The following ZNF587B variants were observed in gnomAD, a reference collection of about 807,000 sequenced individuals.
The protein encoded by ZNF587B is zinc finger protein 587B.
A neutral mutation model predicts 7.2 loss-of-function variants in ZNF587B; 6 were observed. The observed-to-expected ratio is 0.83, with a 90% CI of 0.46 to 1.65. ZNF587B has a LOEUF of 1.65. Among genes scored for constraint, ZNF587B ranks in the 40% most tolerant of loss-of-function variants. ZNF587B has a pLI of 0.01. For missense variants in ZNF587B, 749 were observed against 761.0 expected (o/e 0.98, Z 0.19); for synonymous variants, 274 against 254.3 (o/e 1.08, Z -0.74).
In ZNF587B at chr19:57,843,281, T is replaced by C. The variant is rs770585496; in HGVS notation, c.*705T>C. 51 of 985,162 alleles carry C rather than the reference T, an allele frequency of 5.2e-5. No homozygotes were observed. The highest frequency in any genetic ancestry group is 5.8e-5 in the Non-Finnish European group (48 of 829,826). 61.0% of individuals were successfully genotyped at this position (985,162 alleles called of 1,614,324 possible). The stretch of plus-strand genomic sequence containing the variant: ...TGCTGAGATTGTAGGTTTGAGTCAC[T>C]GTGCTCAGCCAATTATGTTTTTCTG... On this transcript the variant is annotated 3_prime_UTR_variant, in exon 3 of 3. Coordinates refer to ENST00000594901, the MANE Select transcript of ZNF587B (RefSeq NM_001376223.1).
chr19:57,844,205 A>C lies in ZNF587B; in HGVS notation c.*1629A>C. 2.3e-6 allele frequency: 1 copy of C among 435,902 alleles called. No homozygotes were observed. The highest frequency in any genetic ancestry group is 4.6e-6 in the Non-Finnish European group (1 of 219,482). 27.0% of individuals were successfully genotyped at this position (435,902 alleles called of 1,614,324 possible). A position where few individuals can be genotyped will look rare whatever the true frequency, so the allele number is the denominator to read the frequency against. ...AGAGGACTCTTGTGCTGACTTGAAA[A>C]GATGGACTATTTTGGCTAAGCATGG... On this transcript the variant is annotated 3_prime_UTR_variant, in exon 3 of 3. Coordinates refer to ENST00000594901, the MANE Select transcript of ZNF587B (RefSeq NM_001376223.1).
Position 57,840,969 on chromosome 19 carries a change from C to T in ZNF587B, c.295C>T (p.Pro99Ser). 3 of 1,592,744 alleles carry T rather than the reference C, an allele frequency of 1.9e-6. No individual in the cohort carries two copies. The highest frequency in any genetic ancestry group is 2.6e-6 in the Non-Finnish European group (3 of 1,168,274). Residue 99 changes from proline (P) to serine (S), a missense_variant, in exon 3 of 3, where the codon CCG (proline) becomes TCG (serine). Physicochemically the swap from Pro to Ser is moderately conservative, Grantham distance 74. Around this residue, in one of 3 missense-constraint regions of ZNF587B, gnomAD observed 72 missense variants for 147.8 expected, o/e 0.49. Coordinates refer to ENST00000594901, the MANE Select transcript of ZNF587B (RefSeq NM_001376223.1). ...KKAHPCEMCGPILGDILHVAD... is the reference protein window; with the variant it reads ...KKAHPCEMCGSILGDILHVAD... The stretch of plus-strand genomic sequence containing the variant: ...GGCCCACCCCTGTGAGATGTGTGGC[C>T]CGATCTTGGGAGACATTTTGCATGT...
chr19:57,832,437 G>A (rs1413291039), intron 1 of ZNF587B, among the ~76,000 whole-genome samples: 2 of 152,202 alleles, frequency 1.3e-5, no homozygotes, highest in Admixed American at 6.5e-5. Context: ...ATAGAATTCT[G>A]AATTTTTTCT....
chr19:57,838,284 CAAAA>C (rs34095077), intron 1 of ZNF587B, among the ~76,000 whole-genome samples: 1 of 135,818 alleles, frequency 7.4e-6, no homozygotes, highest in African/African-American at 2.9e-5. Flanking sequence ...CACTCCGTCT[CAAAA>C]AAAAATAAAA....
chr19:57,844,320 T>G lies in ZNF587B; in HGVS notation c.*1744T>G. 1 of 362,342 alleles carries G rather than the reference T, an allele frequency of 2.8e-6. No individual in the cohort carries two copies. Among genetic ancestry groups the G allele is most frequent in the Non-Finnish European group, 5.5e-6 (1 of 182,790 alleles). 22.4% of individuals were successfully genotyped at this position (362,342 alleles called of 1,614,324 possible). A position where few individuals can be genotyped will look rare whatever the true frequency, so the allele number is the denominator to read the frequency against. On this transcript the variant is annotated 3_prime_UTR_variant, in exon 3 of 3. Coordinates refer to ENST00000594901, the MANE Select transcript of ZNF587B (RefSeq NM_001376223.1). ...GAGTTCAAGACCAGCCTGGGCAATA[T>G]AGTGAAATCCTGTCTCTTCTAAAAA... is the stretch of plus-strand genomic sequence containing the variant.
Position 57,839,028 on chromosome 19 carries a change from A to G in ZNF587B, c.42A>G (p.Thr14=), listed in dbSNP as rs1431019460. 4 of 1,613,956 alleles carry G rather than the reference A, an allele frequency of 2.5e-6. No individual in the cohort carries two copies. Among genetic ancestry groups the G allele is most frequent in the Non-Finnish European group, 3.4e-6 (4 of 1,179,978 alleles). Residue 14 remains threonine, a synonymous_variant, in exon 2 of 3, where the codon ACA becomes ACG. Coordinates refer to ENST00000594901, the MANE Select transcript of ZNF587B (RefSeq NM_001376223.1). ...VATLRLSAQG[T]VTFEDVAVKF... ...ATCTGTCAACATCATAACAGGGCAC[A>G]GTGACTTTTGAAGACGTGGCTGTGA...
At chr19:57,839,752 A>G (rs1283433860) in intron 2 of ZNF587B, among the ~76,000 whole-genome samples, 1 of 152,014 alleles carries the variant, frequency 6.6e-6, no homozygotes, top group Non-Finnish European at 1.5e-5. Context: ...ATTCAGCCTC[A>G]GCATAATAGG....
At chr19:57,835,882 G>A (rs565456030) in intron 1 of ZNF587B, among the ~76,000 whole-genome samples, 138 of 150,058 alleles carry the variant, frequency 9.2e-4, no homozygotes, top group East Asian at 7.0e-3. Flanking sequence ...ACTAAGGTGC[G>A]TTAGCCATGG....
chr19:57,830,638 T>A, intron 1 of ZNF587B, 74 bp downstream of exon 1: 3 of 1,512,110 alleles, frequency 2.0e-6, no homozygotes, highest in Non-Finnish European at 2.7e-6. Context: ...CAAGGAAGAG[T>A]CTTTAAGGTG....
Position 57,844,405 on chromosome 19 carries a change from G to A in ZNF587B, c.*1829G>A. 7.1e-6 allele frequency: 2 copies of A among 283,014 alleles called. No individual in the cohort carries two copies. Among genetic ancestry groups the A allele is most frequent in the South Asian group, 2.6e-5 (1 of 37,782 alleles). The allele number at this position is 283,014 out of a possible 1,614,324, so 17.5% of individuals were successfully genotyped here. ...AGCCGCAGCTACTCAGGAGGCTGAG[G>A]CAGGAAAATTGCTTGAACCCCGGGA... On this transcript the variant is annotated 3_prime_UTR_variant, in exon 3 of 3. Transcript: ENST00000594901.
At position 57,841,592 on chromosome 19, in the gene ZNF587B, T is replaced by C; in HGVS notation, c.918T>C (p.Tyr306=). The change falls in exon 3 of 3, where the codon TAT becomes TAC. Residue 306 remains tyrosine (Y), a synonymous_variant. Coordinates refer to ENST00000594901, the MANE Select transcript of ZNF587B (RefSeq NM_001376223.1). ...KPYGCEECGK[Y]FSLEGYLRRH... ...ATGGGTGTGAAGAATGTGGGAAATA[T>C]TTTAGCTTAGAAGGATATCTTAGGC... 4 of 1,577,410 alleles carry C rather than the reference T, an allele frequency of 2.5e-6. No individual in the cohort carries two copies. Among genetic ancestry groups the C allele is most frequent in the Non-Finnish European group, 3.4e-6 (4 of 1,161,336 alleles).
chr19:57,836,894 C>T (rs1414229423), intron 1 of ZNF587B, among the ~76,000 whole-genome samples: 2 of 142,160 alleles, frequency 1.4e-5, no homozygotes, highest in African/African-American at 5.3e-5. Context: ...ACCCAGGAGG[C>T]GGAGGTTGCA....
Position 57,843,534 on chromosome 19 carries a change from C to G in ZNF587B, c.*958C>G. 1 of 981,346 alleles carries G rather than the reference C, an allele frequency of 1.0e-6. No individual in the cohort carries two copies. Among genetic ancestry groups the G allele is most frequent in the Non-Finnish European group, 1.2e-6 (1 of 829,126 alleles). 60.8% of individuals were successfully genotyped at this position (981,346 alleles called of 1,614,324 possible). A position where few individuals can be genotyped will look rare whatever the true frequency, so the allele number is the denominator to read the frequency against. ...AAGTATATTTTGGTTGTCTCCCATT[C>G]ACGAGAGATTTTTTTTTTAAGTTTT... On this transcript the variant is annotated 3_prime_UTR_variant, in exon 3 of 3. Coordinates refer to ENST00000594901, the MANE Select transcript of ZNF587B (RefSeq NM_001376223.1).
rs952123287 is a variant in ZNF587B, at chr19:57,843,836, G to A, written c.*1260G>A. On this transcript the variant is annotated 3_prime_UTR_variant, in exon 3 of 3. Coordinates refer to ENST00000594901, the MANE Select transcript of ZNF587B (RefSeq NM_001376223.1). ...AAACTGATCTTGAACTCCTAACCTC[G>A]TGATCCACCTGCCTTGGCCTCCCAA... 2.0e-5 allele frequency among the ~76,000 whole-genome samples: 3 copies of A among 151,880 alleles called. No homozygotes were observed. Among genetic ancestry groups the A allele is most frequent in the Non-Finnish European group, 2.9e-5 (2 of 67,974 alleles).
At position 57,838,430 on chromosome 19, in the gene ZNF587B, G is replaced by A. The variant is rs527959824; in HGVS notation, c.37-593G>A. ...ATCCTGGCCAACATGATGAAACCCC[G>A]TCTCTACTAAAAATATAAAAATTAG... On this transcript the variant is annotated intron_variant, in intron 1 of 2. Transcript: ENST00000594901. Among the ~76,000 whole-genome samples the A allele has an allele frequency of 7.2e-5, 11 of 151,950 alleles. No individual in the cohort carries two copies. The South Asian group carries it at 1.0e-3, about 14-fold the overall frequency.
intron 1 of ZNF587B, among the ~76,000 whole-genome samples, chr19:57,836,897 A>G (rs1227500987): frequency 4.3e-5 from 6 of 140,578 alleles, no homozygotes; most frequent in African/African-American, 1.6e-4. Context: ...CAGGAGGCGG[A>G]GGTTGCAGTG....
Position 57,842,131 on chromosome 19 carries a change from G to C in ZNF587B, c.1457G>C (p.Arg486Thr). The C allele has an allele frequency of 1.9e-6, 3 of 1,611,374 alleles. No homozygotes were observed. The highest frequency in any genetic ancestry group is 2.5e-6 in the Non-Finnish European group (3 of 1,178,556). ...AAGTCTCACCTCCTTGTACACCAGA[G>C]AATTCACAGTGGAGAGAAGCCATAT... ...KKKSHLLVHQ[R>T]IHSGEKPYAC... The change falls in exon 3 of 3, where the codon AGA becomes ACA. Residue 486 changes from arginine (R) to threonine (T), a missense_variant. Arg to Thr is a moderately conservative substitution (Grantham distance 71). Transcript: ENST00000594901.
At chr19:57,839,290 C>G (rs1191713823) in intron 2 of ZNF587B, 141 bp downstream of exon 2, 5 of 1,367,156 alleles carry the variant, frequency 3.7e-6, no homozygotes, top group Non-Finnish European at 4.9e-6. Context: ...GGTTGTAGGA[C>G]TGAGGTGTAC....
At chr19:57,836,839 A>G (rs905922140) in intron 1 of ZNF587B, among the ~76,000 whole-genome samples, 4 of 151,786 alleles carry the variant, frequency 2.6e-5, no homozygotes, top group Admixed American at 1.3e-4. Flanking sequence ...TGGTACACTC[A>G]TGTAATCCCA....
Sources: allele counts gnomAD v4.1 joint callset (sites outside exome capture counted in the v4.1 genomes callset), GRCh38; gene constraint gnomAD v4.1.1; regional missense constraint gnomAD v4.1.1; transcripts MANE v1.5; gene names NCBI Gene and HGNC (gene_info 2026-07-23, HGNC 2026-07-21).